The following TENT4A variants were observed in gnomAD, a reference collection of about 807,000 sequenced individuals.
TENT4A encodes the protein terminal nucleotidyltransferase 4A, also known as DNA polymerase kappa.
A neutral mutation model predicts 72.8 loss-of-function variants in TENT4A; 7 were observed. The observed-to-expected ratio is 0.10, with a 90% CI of 0.05 to 0.18. TENT4A has a LOEUF of 0.18. Among genes scored for constraint, TENT4A ranks in the 10% least tolerant of loss-of-function variants. TENT4A has a pLI of 1.00. For synonymous variants in TENT4A, 456 were observed against 434.3 expected (o/e 1.05, Z -0.62); for missense variants, 831 against 1,017.7 (o/e 0.82, Z 2.50).
At chr5:6,719,208 T>C (rs549232936) in intron 1 of TENT4A, among the ~76,000 whole-genome samples, 14 of 152,378 alleles carry the variant, frequency 9.2e-5, no homozygotes, top group Non-Finnish European at 2.1e-4. Flanking sequence ...TTGGTCACTA[T>C]TTAATATGAG....
intron 1 of TENT4A, 105 bp downstream of exon 1, chr5:6,714,804 A>T (rs946734127): frequency 1.5e-5 from 8 of 520,074 alleles, no homozygotes; most frequent in South Asian, 9.7e-5. Context: ...TGGAGGATGG[A>T]TGTTGAAGGC....
At chr5:6,752,595 A>G (rs895852802) in intron 11 of TENT4A, among the ~76,000 whole-genome samples, 4 of 152,226 alleles carry the variant, frequency 2.6e-5, no homozygotes, top group Non-Finnish European at 5.9e-5. Flanking sequence ...TGTTCTTCTG[A>G]TGACTCTAAT....
intron 12 of TENT4A, among the ~76,000 whole-genome samples, chr5:6,753,641 T>C (rs1329718035): frequency 6.6e-6 from 1 of 152,258 alleles, no homozygotes; most frequent in East Asian, 1.9e-4. Context: ...ATCTTCCAGG[T>C]CAGCCCCCGT....
intron 11 of TENT4A, among the ~76,000 whole-genome samples, chr5:6,752,547 C>T (rs1742462270): frequency 6.6e-6 from 1 of 152,218 alleles, no homozygotes; most frequent in Non-Finnish European, 1.5e-5. Flanking sequence ...CCCCTGAGTT[C>T]AGCGTGTGAG....
At chr5:6,714,826 C>G (rs1414831615) in intron 1 of TENT4A, 127 bp downstream of exon 1, 4 of 405,454 alleles carry the variant, frequency 9.9e-6, no homozygotes, top group Non-Finnish European at 1.6e-5. Context: ...AAGGCCAAGG[C>G]CCGACTCTGC....
At chr5:6,719,319 A>C (rs1426798942) in intron 1 of TENT4A, among the ~76,000 whole-genome samples, 1 of 152,208 alleles carries the variant, frequency 6.6e-6, no homozygotes, top group Non-Finnish European at 1.5e-5. Flanking sequence ...CAGTTAGGTC[A>C]TATGGTTTAG....
chr5:6,726,085 G>A (rs796392512), intron 1 of TENT4A, among the ~76,000 whole-genome samples: 44 of 152,278 alleles, frequency 2.9e-4, no homozygotes, highest in African/African-American at 1.0e-3. Context: ...GTTTGTGTCC[G>A]TGAATTTTCA....
intron 1 of TENT4A, 91 bp downstream of exon 1, chr5:6,714,790 C>A: frequency 1.5e-6 from 1 of 688,882 alleles, no homozygotes; most frequent in Non-Finnish European, 1.9e-6. Flanking sequence ...GGCGCCCGGG[C>A]TTTTGGAGGA....
chr5:6,727,895 G>A lies in TENT4A; in HGVS notation c.717-9615G>A, dbSNP rs200149427. ...GTGCAGAGGCTCACGGTAAATAGCT[G>A]CAGACCACGAATCCCATCTGCTTGC... On this transcript the variant is annotated intron_variant, in intron 1 of 12. Transcript: ENST00000230859. 4.6e-5 allele frequency among the ~76,000 whole-genome samples: 7 copies of A among 152,330 alleles called. No homozygotes were observed. In the East Asian group the frequency reaches 1.2e-3, roughly 25 times the overall value.
At chr5:6,747,938 C>T (rs1313912203) in intron 7 of TENT4A, among the ~76,000 whole-genome samples, 1 of 152,218 alleles carries the variant, frequency 6.6e-6, no homozygotes, top group African/African-American at 2.4e-5. Flanking sequence ...TGAGAATTCA[C>T]ATTCCATTCT....
chr5:6,717,840 G>T (rs1740462188), intron 1 of TENT4A, among the ~76,000 whole-genome samples: 1 of 152,202 alleles, frequency 6.6e-6, no homozygotes, highest in Admixed American at 6.5e-5. Flanking sequence ...TTGTTACTTT[G>T]TCATGGTCGT....
Position 6,750,427 on chromosome 5 carries a change from T to C in TENT4A, c.1784T>C (p.Leu595Ser). 6.2e-7 allele frequency: 1 copy of C among 1,613,314 alleles called. No individual in the cohort carries two copies. The highest frequency in any genetic ancestry group is 1.1e-5 in the South Asian group (1 of 90,984). ...PESPYGQRLT[L>S]SLSSPQLLSS... Reference sequence around the variant, plus strand: ...TCTCCCTATGGCCAGCGCTTGACTTTGTCGCTGTCCAGCCCCCAGCTCCTG... The same window carrying C: ...TCTCCCTATGGCCAGCGCTTGACTTCGTCGCTGTCCAGCCCCCAGCTCCTG... Residue 595 changes from leucine (L) to serine (S), a missense_variant, in exon 10 of 13, where the codon TTG (leucine) becomes TCG (serine). This residue lies in a region of TENT4A where 332 missense variants were observed against 324.3 expected (regional missense o/e 1.02). Transcript: ENST00000230859.
rs1467027590 is a variant in TENT4A at position 6,756,003 on chromosome 5, A to G, written c.*1058A>G. ...GTACCCAGTTTTAGGAATGTGGAGA[A>G]AGGAATTCTGTTGATTCCGTTGAGG... On this transcript the variant is annotated 3_prime_UTR_variant, in exon 13 of 13. Transcript: ENST00000230859. The G allele has an allele frequency of 6.6e-6, 1 of 152,262 alleles. No individual in the cohort carries two copies. Among genetic ancestry groups the G allele is most frequent in the Non-Finnish European group, 1.5e-5 (1 of 68,046 alleles). 9.4% of individuals were successfully genotyped at this position (152,262 alleles called of 1,614,324 possible).
Position 6,743,355 on chromosome 5 carries a change from C to T in TENT4A, c.1117-357C>T, listed in dbSNP as rs28381380. On this transcript the variant is annotated intron_variant, in intron 5 of 12. Transcript: ENST00000230859. ...CCTTCCTTGCCAGCCTCACTCTGCT[C>T]TCCTGCTCCGGAGGCCCCCACTGTC... 8.8e-3 allele frequency among the ~76,000 whole-genome samples: 1,343 copies of T among 152,306 alleles called. 27 individuals are homozygous for T. The highest frequency in any genetic ancestry group is 0.03 in the African/African-American group (1,239 of 41,552).
intron 2 of TENT4A, among the ~76,000 whole-genome samples, chr5:6,737,909 GTTT>G: frequency 7.7e-6 from 1 of 129,078 alleles, no homozygotes; most frequent in East Asian, 2.3e-4. Flanking sequence ...GATTTGTTGG[GTTT>G]TTTTTTTTTT....
chr5:6,721,020 CCA>C, intron 1 of TENT4A, among the ~76,000 whole-genome samples: 1 of 152,312 alleles, frequency 6.6e-6, no homozygotes, highest in South Asian at 2.1e-4. Context: ...AAGAAAACTC[CCA>C]CACGGTTCTT....
rs28381368 is a variant in TENT4A, at chr5:6,741,625, C to T, written c.1009-865C>T. On this transcript the variant is annotated intron_variant, in intron 4 of 12. Transcript: ENST00000230859. ...CTCAGGGCTTACCCTGCCTGGTGGT[C>T]GCAGTGGTGTCCAGGTGACTCTGGC... Among the ~76,000 whole-genome samples the T allele has an allele frequency of 3.2e-3, 488 of 152,332 alleles. 3 individuals are homozygous for T. The highest frequency in any genetic ancestry group is 3.5e-3 in the Non-Finnish European group (238 of 68,038).
intron 1 of TENT4A, among the ~76,000 whole-genome samples, chr5:6,733,957 A>G (rs1741335846): frequency 6.6e-6 from 1 of 152,248 alleles, no homozygotes; most frequent in Non-Finnish European, 1.5e-5. Flanking sequence ...GGTTTCTGCT[A>G]ACAAATCAAA....
intron 1 of TENT4A, among the ~76,000 whole-genome samples, chr5:6,724,024 A>T (rs937131801): frequency 6.6e-6 from 1 of 152,068 alleles, no homozygotes; most frequent in African/African-American, 2.4e-5. Flanking sequence ...CAGCTGCCTC[A>T]GTCAGCACTG....
Sources: allele counts gnomAD v4.1 joint callset (sites outside exome capture counted in the v4.1 genomes callset), GRCh38; gene constraint gnomAD v4.1.1; regional missense constraint gnomAD v4.1.1; transcripts MANE v1.5; gene names NCBI Gene and HGNC (gene_info 2026-07-23, HGNC 2026-07-21).